The following IL19 variants were observed in gnomAD, a reference collection of about 807,000 sequenced individuals.
The protein encoded by IL19 is interleukin-19.
Under a neutral mutation model 19.5 loss-of-function variants are expected in IL19, and 15 were observed. The observed-to-expected ratio is 0.77, with a 90% CI of 0.52 to 1.19. IL19 has a LOEUF of 1.19. Among genes scored for constraint, IL19 ranks in the 50% most tolerant of loss-of-function variants. The probability of loss-of-function intolerance (pLI) is 0.00; values close to 1 mark genes in which losing one functional copy is unlikely to be tolerated. For missense variants in IL19, 199 were observed against 213.1 expected (o/e 0.93, Z 0.41); for synonymous variants, 78 against 78.3 (o/e 1.00, Z 0.02).
At chr1:206,816,254 T>C (rs1005452920) in intron 2 of IL19, among the ~76,000 whole-genome samples, 13 of 152,316 alleles carry the variant, frequency 8.5e-5, no homozygotes, top group Admixed American at 8.5e-4. Context: ...CTGGAAATGG[T>C]ACTACATGCG....
chr1:206,773,586 T>TTGTGTGTGTGTGTGTG (rs2234662), intron 1 of IL19, among the ~76,000 whole-genome samples: 4 of 131,868 alleles, frequency 3.0e-5, no homozygotes, highest in South Asian at 5.3e-4. Flanking sequence ...TGTCTTGGAT[T>TTGTGTGTGTGTGTGTG]TGTGTGTGTG....
At position 206,810,156 on chromosome 1, in the gene IL19, G is replaced by A. The variant is rs147207226; in HGVS notation, c.-3+11150G>A. ...ATACTGGCAGAATCTTGGGAAATATGTGTGAGAATAGATTCTAAGGGTGTT... is the reference window on the plus strand; with the variant it reads ...ATACTGGCAGAATCTTGGGAAATATATGTGAGAATAGATTCTAAGGGTGTT... On this transcript the variant is annotated intron_variant, in intron 2 of 6. Transcript: ENST00000659997. 9.7e-3 allele frequency among the ~76,000 whole-genome samples: 1,475 copies of A among 152,344 alleles called. 28 individuals carry two copies. The highest frequency in any genetic ancestry group is 0.034 in the African/African-American group (1,399 of 41,568).
At chr1:206,771,742 G>T (rs1166617473) in intron 1 of IL19, among the ~76,000 whole-genome samples, 1 of 152,198 alleles carries the variant, frequency 6.6e-6, no homozygotes, top group Non-Finnish European at 1.5e-5. Context: ...GGGGCCTTGA[G>T]CCCCCCTCAT....
intron 2 of IL19, among the ~76,000 whole-genome samples, chr1:206,818,792 C>G (rs1429144036): frequency 6.7e-6 from 1 of 149,538 alleles, no homozygotes; most frequent in African/African-American, 2.5e-5. Context: ...TTCTTTCTTT[C>G]TTTCTTTCTT....
At chr1:206,785,685 C>T (rs181992143) in intron 1 of IL19, among the ~76,000 whole-genome samples, 116 of 152,288 alleles carry the variant, frequency 7.6e-4, no homozygotes, top group African/African-American at 2.6e-3. Context: ...AAGACGACCT[C>T]GACTATTTCA....
chr1:206,783,160 C>G (rs1675186301), intron 1 of IL19, among the ~76,000 whole-genome samples: 1 of 152,124 alleles, frequency 6.6e-6, no homozygotes, highest in African/African-American at 2.4e-5. Flanking sequence ...CATATTAAAG[C>G]TCAATCCCTG....
intron 1 of IL19, among the ~76,000 whole-genome samples, chr1:206,787,345 TG>T (rs202147903): frequency 0.013 from 2,038 of 152,338 alleles, 19 homozygotes; most frequent in Non-Finnish European, 0.019. Context: ...GCCTTAGAGT[TG>T]TGAGATGTCT....
intron 2 of IL19, among the ~76,000 whole-genome samples, chr1:206,815,509 T>A (rs1435564268): frequency 6.6e-6 from 1 of 152,220 alleles, no homozygotes; most frequent in Non-Finnish European, 1.5e-5. Flanking sequence ...GTGGATTTAG[T>A]CACACAAGTC....
intron 1 of IL19, among the ~76,000 whole-genome samples, chr1:206,798,134 T>C (rs1370100323): frequency 6.6e-6 from 1 of 152,170 alleles, no homozygotes; most frequent in Non-Finnish European, 1.5e-5. Flanking sequence ...TGCTGCCTAG[T>C]TCCTCTTTTA....
intron 2 of IL19, 128 bp from the exon 3 acceptor site, chr1:206,836,533 G>A: frequency 3.6e-6 from 3 of 827,352 alleles, no homozygotes; most frequent in African/African-American, 3.4e-5. Context: ...AGGCTGAAGT[G>A]TTTAGTGTTG....
intron 2 of IL19, among the ~76,000 whole-genome samples, chr1:206,801,892 G>A (rs1675716825): frequency 6.6e-6 from 1 of 152,208 alleles, no homozygotes; most frequent in Non-Finnish European, 1.5e-5. Flanking sequence ...TATCTTGACT[G>A]TTGGGATTGA....
At chr1:206,772,749 TAA>T (rs886256400) in intron 1 of IL19, among the ~76,000 whole-genome samples, 7 of 152,194 alleles carry the variant, frequency 4.6e-5, no homozygotes, top group African/African-American at 1.7e-4. Context: ...GCTTCTCAAT[TAA>T]AAAAAGTTGA....
chr1:206,839,765 C>T lies in IL19; in HGVS notation c.211-85C>T, dbSNP rs2243179. ...AATGACTTTTAGTTCTCTCATGTGT[C>T]GCTGCCCCTACTCAAATGGACTGCC... On this transcript the variant is annotated intron_variant, in intron 4 of 6. Coordinates refer to ENST00000659997, the MANE Select transcript of IL19 (RefSeq NM_153758.5). 1.9e-4 allele frequency: 222 copies of T among 1,179,688 alleles called. No homozygotes were observed. In the African/African-American group the frequency reaches 2.4e-3, roughly 13 times the overall value. 73.1% of individuals were successfully genotyped at this position (1,179,688 alleles called of 1,614,324 possible). A position where few individuals can be genotyped will look rare whatever the true frequency, so the allele number is the denominator to read the frequency against.
chr1:206,772,384 C>G, intron 1 of IL19: 1 of 1,614,102 alleles, frequency 6.2e-7, no homozygotes, highest in Non-Finnish European at 8.5e-7. Context: ...CCTGGGCTGG[C>G]CCTCACCCCA....
At chr1:206,837,929 C>A (rs1477525094) in intron 4 of IL19, among the ~76,000 whole-genome samples, 1 of 152,152 alleles carries the variant, frequency 6.6e-6, no homozygotes, top group Admixed American at 6.5e-5. Context: ...AGAAGTGCCG[C>A]TTCCTAGAGA....
chr1:206,839,982 C>T lies in IL19; in HGVS notation c.343C>T (p.Gln115Ter). Residue 115 changes from glutamine (Q) to a stop codon, truncating the protein, a stop_gained, in exon 5 of 7, where the codon CAG becomes TAG. Coordinates refer to ENST00000659997, the MANE Select transcript of IL19 (RefSeq NM_153758.5). LOFTEE classifies it high-confidence loss of function. ...SSIANSFLYM[Q>*]KTLRQCQEQR... is the part of the protein sequence containing the mutation. The stretch of plus-strand genomic sequence containing the variant: ...CATTGCCAACTCTTTCCTCTACATG[C>T]AGAAAACTCTGCGGCAATGTGTGAG... 6.2e-7 allele frequency: 1 copy of T among 1,614,204 alleles called. No homozygotes were observed. The highest frequency in any genetic ancestry group is 8.5e-7 in the Non-Finnish European group (1 of 1,180,030).
intron 2 of IL19, among the ~76,000 whole-genome samples, chr1:206,804,978 C>A (rs1343715200): frequency 6.6e-6 from 1 of 152,176 alleles, no homozygotes; most frequent in Non-Finnish European, 1.5e-5. Flanking sequence ...TCCTTTCAAT[C>A]CTTGGATCCT....
At chr1:206,796,077 G>A (rs372686198) in intron 1 of IL19, among the ~76,000 whole-genome samples, 19 of 152,134 alleles carry the variant, frequency 1.2e-4, no homozygotes, top group Middle Eastern at 3.4e-3. Flanking sequence ...TCGAAGGCCA[G>A]TTGGAGAGTC....
intron 1 of IL19, among the ~76,000 whole-genome samples, chr1:206,781,913 G>GTA (rs1276697747): frequency 9.2e-6 from 1 of 109,252 alleles, no homozygotes; most frequent in Non-Finnish European, 1.9e-5. Flanking sequence ...ACATATATAT[G>GTA]TATATAGTTA....
Sources: gnomAD v4.1 joint callset for allele counts (sites outside exome capture counted in the v4.1 genomes callset) on GRCh38, gnomAD v4.1.1 for gene constraint, MANE v1.5 for transcripts, NCBI Gene and HGNC (gene_info 2026-07-23, HGNC 2026-07-21) for gene names.